The following STOX2 variants were observed in gnomAD, a reference collection of about 807,000 sequenced individuals.
STOX2 encodes storkhead box 2.
In STOX2, 28 loss-of-function variants were observed where a neutral mutation model predicts 60.9. The observed-to-expected ratio is 0.46, with a 90% CI of 0.34 to 0.63. The LOEUF (loss-of-function observed/expected upper bound fraction) is 0.63. STOX2 is among the 30% of genes least tolerant of loss of function. The pLI is 0.01. For missense variants in STOX2, 1,024 were observed against 1,187.7 expected, an observed-to-expected ratio of 0.86 and a Z score of 2.03; for synonymous variants, 472 against 463.9, an observed-to-expected ratio of 1.02 and a Z score of -0.22.
chr4:183,946,988 A>G (rs532741248), intron 1 of STOX2, among the ~76,000 whole-genome samples: 7 of 152,258 alleles, frequency 4.6e-5, no homozygotes, highest in African/African-American at 1.2e-4. Flanking sequence ...AAGATGATTT[A>G]AAATATATGT....
At chr4:183,943,481 T>C (rs1369376371) in intron 1 of STOX2, among the ~76,000 whole-genome samples, 1 of 152,226 alleles carries the variant, frequency 6.6e-6, no homozygotes, top group Non-Finnish European at 1.5e-5. Flanking sequence ...GGTTTTAGGA[T>C]ACTGTTCTGC....
rs924738473 is a variant in STOX2, at chr4:184,020,911, C to CA, written c.*3628dup. The stretch of plus-strand genomic sequence containing the variant: ...ATGTAAATTTAAATTACATTGCAGT[C>CA]ACCATGGGGAGAAGAAACCTGTTCA... On this transcript the variant is annotated 3_prime_UTR_variant, in exon 4 of 4. Coordinates refer to ENST00000308497, the MANE Select transcript of STOX2 (RefSeq NM_020225.3). The CA allele has an allele frequency of 6.6e-6, 1 of 152,216 alleles. No homozygotes were observed. Among genetic ancestry groups the CA allele is most frequent in the Admixed American group, 6.5e-5 (1 of 15,280 alleles). The allele number at this position is 152,216 out of a possible 1,614,324, so 9.4% of individuals were successfully genotyped here.
At chr4:183,810,007 A>T (rs1211933416) in intron 1 of STOX2, among the ~76,000 whole-genome samples, 1 of 152,226 alleles carries the variant, frequency 6.6e-6, no homozygotes, top group African/African-American at 2.4e-5. Context: ...ACTAACAGTA[A>T]ACTGAATTCA....
chr4:183,833,705 G>A lies in STOX2; in HGVS notation c.364+35650G>A, dbSNP rs1470170944. Among the ~76,000 whole-genome samples, 3 of 147,604 alleles carry A rather than the reference G, an allele frequency of 2.0e-5. 1 individual carries two copies. Among genetic ancestry groups the A allele is most frequent in the Non-Finnish European group, 4.5e-5 (3 of 66,704 alleles). Reference sequence around the variant, plus strand: ...AGGTAGAAAGAATGTGAGAAGGGCCGGGCGCGGTGGCTCACGCCTGTAATC... The same window carrying A: ...AGGTAGAAAGAATGTGAGAAGGGCCAGGCGCGGTGGCTCACGCCTGTAATC... On this transcript the variant is annotated intron_variant, in intron 1 of 2. Coordinates refer to the STOX2 transcript ENST00000513034.
At chr4:183,911,030 G>A (rs923911253) in intron 1 of STOX2, among the ~76,000 whole-genome samples, 1 of 152,178 alleles carries the variant, frequency 6.6e-6, no homozygotes, top group African/African-American at 2.4e-5. Context: ...TCCCTGGCGA[G>A]TAATATGACC....
intron 1 of STOX2, among the ~76,000 whole-genome samples, chr4:183,965,701 T>C (rs986519869): frequency 1.4e-4 from 21 of 152,206 alleles, no homozygotes; most frequent in African/African-American, 5.1e-4. Context: ...CGGGCACTTA[T>C]GCTTAGGGTG....
intron 1 of STOX2, among the ~76,000 whole-genome samples, chr4:183,911,042 C>T (rs1485920870): frequency 6.6e-6 from 1 of 152,156 alleles, no homozygotes; most frequent in Non-Finnish European, 1.5e-5. Flanking sequence ...AATATGACCT[C>T]CCTCCATCTG....
intron 1 of STOX2, among the ~76,000 whole-genome samples, chr4:183,823,321 G>C (rs141250430): frequency 1.7e-4 from 26 of 152,098 alleles, no homozygotes; most frequent in African/African-American, 5.8e-4. Context: ...ACTTGAACCC[G>C]GGAGGCAGAG....
intron 1 of STOX2, among the ~76,000 whole-genome samples, chr4:183,953,892 G>T (rs1204423135): frequency 6.6e-6 from 1 of 152,102 alleles, no homozygotes; most frequent in African/African-American, 2.4e-5. Context: ...GACATTAGGA[G>T]GTTCAAAACT....
chr4:184,011,605 CT>C lies in STOX2; in HGVS notation c.2585+183del. 1 of 1,527,704 alleles carries C rather than the reference CT, an allele frequency of 6.5e-7. No homozygotes were observed. The highest frequency in any genetic ancestry group is 8.8e-7 in the Non-Finnish European group (1 of 1,141,980). The allele number at this position is 1,527,704 out of a possible 1,614,324, so 94.6% of individuals were successfully genotyped here. ...TTTTCAGGAATTGAAAAAAATGTTT[CT>C]GCACCTGTAGAGATCACCAATCTGG... On this transcript the variant is annotated intron_variant, in intron 3 of 3. Transcript: ENST00000308497. This position sits in a 1 kb window ranked among gnomAD's most constrained non-coding sequence, Gnocchi z 4.4.
chr4:183,892,720 A>G lies in STOX2; in HGVS notation c.364+94665A>G, dbSNP rs918045900. Among the ~76,000 whole-genome samples, 5 of 152,200 alleles carry G rather than the reference A, an allele frequency of 3.3e-5. No individual in the cohort carries two copies. In the East Asian group the frequency reaches 9.6e-4, roughly 29 times the overall value. ...GAAAAGCAAACTGGACACTCTTCTC[A>G]TAATCGATACATACTTAAGATATAC... On this transcript the variant is annotated intron_variant, in intron 1 of 2. Coordinates refer to the STOX2 transcript ENST00000513034.
At position 184,011,013 on chromosome 4, in the gene STOX2, A is replaced by G; in HGVS notation, c.2175A>G (p.Lys725=). 1.2e-6 allele frequency: 2 copies of G among 1,613,454 alleles called. No individual in the cohort carries two copies. The highest frequency in any genetic ancestry group is 1.3e-5 in the African/African-American group (1 of 75,038). The change falls in exon 3 of 4, where the codon AAA becomes AAG. Residue 725 remains lysine, a synonymous_variant. Coordinates refer to ENST00000308497, the MANE Select transcript of STOX2 (RefSeq NM_020225.3). This position sits in a 1 kb window ranked among gnomAD's most constrained non-coding sequence, Gnocchi z 4.4. ...ACAAGTCGAGCCTGTCCCTCCTCAA[A>G]TCTCACCCGAAGACACCTGCTGACA... is the stretch of plus-strand genomic sequence containing the variant. ...SYHKSSLSLL[K]SHPKTPADTL... is the part of the protein sequence containing the mutation.
At chr4:183,943,634 A>C (rs144031874) in intron 1 of STOX2, among the ~76,000 whole-genome samples, 80 of 152,314 alleles carry the variant, frequency 5.3e-4, no homozygotes, top group Middle Eastern at 3.4e-3. Flanking sequence ...TTAAAAAAGA[A>C]ATCTCAGGCC....
chr4:184,011,515 C>T lies in STOX2; in HGVS notation c.2585+92C>T. On this transcript the variant is annotated intron_variant, in intron 3 of 3. Coordinates refer to ENST00000308497, the MANE Select transcript of STOX2 (RefSeq NM_020225.3). The surrounding 1 kb of genome is among the most constrained non-coding windows in gnomAD (Gnocchi z 4.4). The stretch of plus-strand genomic sequence containing the variant: ...TGACAAGTTTCTGATTTCGTAGTCT[C>T]AGTTCTATGGATGAGGGTTAAGAGT... The T allele has an allele frequency of 6.3e-7, 1 of 1,577,008 alleles. No homozygotes were observed. The highest frequency in any genetic ancestry group is 8.6e-7 in the Non-Finnish European group (1 of 1,160,430).
At chr4:183,938,105 C>T (rs1395217293) in intron 1 of STOX2, among the ~76,000 whole-genome samples, 4 of 152,038 alleles carry the variant, frequency 2.6e-5, no homozygotes, top group African/African-American at 4.8e-5. Context: ...GCTGTGATTG[C>T]GCCACTGCAC....
rs28719018 is a variant in STOX2 at position 183,806,903 on chromosome 4, G to A, written c.364+8848G>A. On this transcript the variant is annotated intron_variant, in intron 1 of 2. Transcript: ENST00000513034. This position sits in a 1 kb window ranked among gnomAD's most constrained non-coding sequence, Gnocchi z 4.1. ...ACTCCCCCGCATGCACTGCCCCCAC[G>A]GCCCCACAGCTCGAAGCCCCCATGC... is the stretch of plus-strand genomic sequence containing the variant. Among the ~76,000 whole-genome samples the A allele has an allele frequency of 2.0e-5, 3 of 151,970 alleles. No homozygotes were observed. Among genetic ancestry groups the A allele is most frequent in the Admixed American group, 1.3e-4 (2 of 15,260 alleles).
rs1477041430 is a variant in STOX2, at chr4:184,009,067, G to C, written c.320-91G>C. On this transcript the variant is annotated intron_variant, in intron 2 of 3. Transcript: ENST00000308497. The surrounding 1 kb of genome is among the most constrained non-coding windows in gnomAD (Gnocchi z 4.0). ...CATCCTAGCTCTGTGATGGTACTTC[G>C]CATCTTGGCGAATGAATAGGATCCT... 3 of 1,000,702 alleles carry C rather than the reference G, an allele frequency of 3.0e-6. No individual in the cohort carries two copies. Among genetic ancestry groups the C allele is most frequent in the East Asian group, 5.2e-5 (2 of 38,394 alleles). 62.0% of individuals were successfully genotyped at this position (1,000,702 alleles called of 1,614,324 possible).
intron 1 of STOX2, among the ~76,000 whole-genome samples, chr4:183,921,478 G>A (rs902947106): frequency 6.6e-6 from 1 of 152,144 alleles, no homozygotes; most frequent in African/African-American, 2.4e-5. Flanking sequence ...CCTGTAGGAG[G>A]GTCAGTCTGA....
At chr4:183,952,414 G>A (rs887833043) in intron 1 of STOX2, among the ~76,000 whole-genome samples, 15 of 152,104 alleles carry the variant, frequency 9.9e-5, no homozygotes, top group African/African-American at 2.9e-4. Flanking sequence ...GATTCTTGTC[G>A]GAAGTATATA....
Sources: allele counts gnomAD v4.1 joint callset (sites outside exome capture counted in the v4.1 genomes callset), GRCh38; gene constraint gnomAD v4.1.1; non-coding constraint Gnocchi (gnomAD v3.1); transcripts MANE v1.5; gene names NCBI Gene and HGNC (gene_info 2026-07-23, HGNC 2026-07-21).